The following PARP8 variants were observed in gnomAD, a reference collection of about 807,000 sequenced individuals.
The protein encoded by PARP8 is protein mono-ADP-ribosyltransferase PARP8.
PARP8 carries 51 observed loss-of-function variants against 124.1 expected under a neutral mutation model. That is an observed-to-expected ratio of 0.41 (90% CI 0.33 to 0.52). The LOEUF is 0.52. PARP8 is among the 20% of genes least tolerant of loss of function. PARP8 has a pLI of 0.21. For missense variants in PARP8, 860 were observed against 1,018.9 expected (o/e 0.84, Z 2.12); for synonymous variants, 391 against 361.5 (o/e 1.08, Z -0.93).
chr5:50,752,446 A>G (rs1195494122), intron 3 of PARP8, among the ~76,000 whole-genome samples: 4 of 151,976 alleles, frequency 2.6e-5, no homozygotes, highest in Non-Finnish European at 5.9e-5. Flanking sequence ...GTCATTTTAA[A>G]ATATGTCTTC....
intron 14 of PARP8, among the ~76,000 whole-genome samples, chr5:50,808,230 G>A (rs1023521676): frequency 5.9e-5 from 9 of 151,612 alleles, no homozygotes; most frequent in Non-Finnish European, 1.2e-4. Flanking sequence ...AAGGGATTTT[G>A]GGAACTTCAG....
chr5:50,794,759 T>C, intron 11 of PARP8, 94 bp from the exon 12 acceptor site: 1 of 1,126,800 alleles, frequency 8.9e-7, no homozygotes, highest in Non-Finnish European at 1.3e-6. Context: ...GGTAGAATAT[T>C]TATTAGCACA....
chr5:50,830,819 CGTGTGTGT>C (rs10611893), intron 22 of PARP8, among the ~76,000 whole-genome samples: 19 of 147,940 alleles, frequency 1.3e-4, no homozygotes, highest in East Asian at 4.0e-4. Context: ...TGTGCTCATG[CGTGTGTGT>C]GTGTGTGTGT....
At chr5:50,816,917 G>A (rs1745170465) in intron 15 of PARP8, among the ~76,000 whole-genome samples, 1 of 152,038 alleles carries the variant, frequency 6.6e-6, no homozygotes, top group South Asian at 2.1e-4. Flanking sequence ...ACTTTAATAT[G>A]TATGGTATTT....
chr5:50,707,228 T>A (rs1276187623), intron 2 of PARP8, among the ~76,000 whole-genome samples: 1 of 152,074 alleles, frequency 6.6e-6, no homozygotes, highest in African/African-American at 2.4e-5. Flanking sequence ...AGATACAGTA[T>A]ATAATTCGTC....
At chr5:50,699,982 T>G (rs778723707) in intron 2 of PARP8, among the ~76,000 whole-genome samples, 1 of 152,198 alleles carries the variant, frequency 6.6e-6, no homozygotes, top group Non-Finnish European at 1.5e-5. Flanking sequence ...GCATGACTCA[T>G]GGAACCTGTC....
intron 2 of PARP8, among the ~76,000 whole-genome samples, chr5:50,733,023 C>T (rs756312136): frequency 6.0e-5 from 9 of 150,862 alleles, no homozygotes; most frequent in East Asian, 4.0e-4. Flanking sequence ...GGTGAAAGGC[C>T]GGGCGCGGTG....
intron 7 of PARP8, among the ~76,000 whole-genome samples, chr5:50,771,022 CATTT>C (rs1294624247): frequency 2.0e-5 from 3 of 151,738 alleles, no homozygotes; most frequent in Non-Finnish European, 4.4e-5. Flanking sequence ...AATATTTATT[CATTT>C]ATTTATGTAA....
intron 8 of PARP8, 32 bp from the exon 9 acceptor site, chr5:50,778,528 G>GATTA: frequency 6.8e-7 from 1 of 1,469,262 alleles, no homozygotes; most frequent in Non-Finnish European, 9.4e-7. Context: ...TCTAAAAGAT[G>GATTA]ATTAATTCAT....
At chr5:50,731,563 A>G (rs1756978260) in intron 2 of PARP8, among the ~76,000 whole-genome samples, 1 of 152,330 alleles carries the variant, frequency 6.6e-6, no homozygotes, top group South Asian at 2.1e-4. Context: ...TTTCCATTGT[A>G]AGGATATATT....
At position 50,846,192 on chromosome 5, in the gene PARP8, C is replaced by G. The variant is rs1580544119; in HGVS notation, c.*4124C>G. On this transcript the variant is annotated 3_prime_UTR_variant, in exon 26 of 26. Transcript: ENST00000281631. ...TCATTTGAGATTTTTAAAAATGCAT[C>G]CGCTCCATTATGTAAACATTAAGAT... 1 of 151,678 alleles carries G rather than the reference C, an allele frequency of 6.6e-6. No individual in the cohort carries two copies. The highest frequency in any genetic ancestry group is 1.5e-5 in the Non-Finnish European group (1 of 67,762). 9.4% of individuals were successfully genotyped at this position (151,678 alleles called of 1,614,324 possible).
At position 50,842,234 on chromosome 5, in the gene PARP8, A is replaced by G; in HGVS notation, c.*166A>G. ...TTCTAAGTATCTCATTAAATACCTA[A>G]AATGGTATAAGATTTATCAATTGTA... On this transcript the variant is annotated 3_prime_UTR_variant, in exon 26 of 26. Transcript: ENST00000281631. 1.9e-6 allele frequency: 1 copy of G among 523,306 alleles called. No individual in the cohort carries two copies. The highest frequency in any genetic ancestry group is 3.4e-6 in the Non-Finnish European group (1 of 296,772). 32.4% of individuals were successfully genotyped at this position (523,306 alleles called of 1,614,324 possible).
intron 3 of PARP8, among the ~76,000 whole-genome samples, chr5:50,754,136 TATATATATATATATACACACACACAC>T (rs201605031): frequency 2.0e-4 from 3 of 15,376 alleles, no homozygotes; most frequent in Non-Finnish European, 3.9e-4. Context: ...TATATATATA[TATATATATATATATACACACACACAC>T]ACACACACAC....
intron 19 of PARP8, 53 bp from the exon 20 acceptor site, chr5:50,827,891 T>C (rs1746518861): frequency 2.3e-6 from 3 of 1,295,812 alleles, no homozygotes; most frequent in East Asian, 4.6e-5. Context: ...GTCATCAGCC[T>C]GAATATATGT....
At chr5:50,813,203 A>T (rs32397) in intron 14 of PARP8, among the ~76,000 whole-genome samples, 127,371 of 152,062 alleles carry the variant, frequency 0.84, 53,744 homozygotes, top group African/African-American at 0.95. Context: ...ATTTTCACGA[A>T]ATTGATTCTT....
Position 50,778,050 on chromosome 5 carries a change from T to C in PARP8, c.519-19T>C, listed in dbSNP as rs745948749. ...AGCATCATTAAAATGAAAAAAACAG[T>C]GTTAATTTTTGCTTTCAGGGAATAT... On this transcript the variant is annotated intron_variant, in intron 7 of 25. Coordinates refer to ENST00000281631, the MANE Select transcript of PARP8 (RefSeq NM_024615.4). The C allele has an allele frequency of 2.5e-6, 4 of 1,576,784 alleles. No individual in the cohort carries two copies. Among genetic ancestry groups the C allele is most frequent in the Non-Finnish European group, 3.5e-6 (4 of 1,155,230 alleles).
chr5:50,730,095 C>A (rs895443657), intron 2 of PARP8, among the ~76,000 whole-genome samples: 1 of 152,082 alleles, frequency 6.6e-6, no homozygotes, highest in Non-Finnish European at 1.5e-5. Flanking sequence ...TTGTATAGTT[C>A]CTCTTCTAAA....
chr5:50,730,982 G>A (rs918736890), intron 2 of PARP8, among the ~76,000 whole-genome samples: 1 of 152,208 alleles, frequency 6.6e-6, no homozygotes, highest in African/African-American at 2.4e-5. Context: ...AATACTTTGA[G>A]CAAGAAAGAT....
intron 8 of PARP8, 28 bp downstream of exon 8, chr5:50,778,157 T>C: frequency 6.9e-7 from 1 of 1,452,748 alleles, no homozygotes; most frequent in Non-Finnish European, 9.5e-7. Flanking sequence ...GTAATATGAA[T>C]GGTGCATTTA....
Sources: allele counts gnomAD v4.1 joint callset (sites outside exome capture counted in the v4.1 genomes callset), GRCh38; gene constraint gnomAD v4.1.1; transcripts MANE v1.5; gene names NCBI Gene and HGNC (gene_info 2026-07-23, HGNC 2026-07-21).